The following INSM2 variants were observed in gnomAD, a reference collection of about 807,000 sequenced individuals.
INSM2 encodes insulinoma-associated protein 2.
Under a neutral mutation model 30.5 loss-of-function variants are expected in INSM2, and 12 were observed. The observed-to-expected ratio is 0.39, with a 90% CI of 0.25 to 0.64. The LOEUF (loss-of-function observed/expected upper bound fraction) is 0.64. INSM2 is among the 30% of genes least tolerant of loss of function. The pLI, the probability that INSM2 is intolerant of heterozygous loss-of-function variation, is 0.47. For synonymous variants in INSM2, 418 were observed against 383.7 expected (o/e 1.09, Z -1.05); for missense variants, 773 against 819.2 (o/e 0.94, Z 0.69).
rs1000538412 is a variant in INSM2 at position 35,536,849 on chromosome 14, C to G, written c.*896C>G. On this transcript the variant is annotated 3_prime_UTR_variant, in exon 1 of 1. Coordinates refer to ENST00000307169, the MANE Select transcript of INSM2 (RefSeq NM_032594.4). ...TAAGGAAGATGTTAACACCTGTAAT[C>G]CACTAAGGAACTGAATGGCAATTTG... The G allele has an allele frequency of 6.0e-6, 1 of 167,068 alleles. No individual in the cohort carries two copies. The highest frequency in any genetic ancestry group is 6.5e-5 in the Admixed American group (1 of 15,270). 10.3% of individuals were successfully genotyped at this position (167,068 alleles called of 1,614,324 possible). A position where few individuals can be genotyped will look rare whatever the true frequency, so the allele number is the denominator to read the frequency against.
chr14:35,534,212 C>CA lies in INSM2; in HGVS notation c.-41_-40insA. Reference sequence around the variant, plus strand: ...GCTGGCCGGCTCTCAGTCCCCGTGGCGCCCCCTTTCCTCTTGTCCCAGAGC... The same window carrying CA: ...GCTGGCCGGCTCTCAGTCCCCGTGGCAGCCCCCTTTCCTCTTGTCCCAGAGC... On this transcript the variant is annotated 5_prime_UTR_variant, in exon 1 of 1. Transcript: ENST00000307169. The CA allele has an allele frequency of 6.5e-7, 1 of 1,549,912 alleles. No homozygotes were observed. Among genetic ancestry groups the CA allele is most frequent in the Non-Finnish European group, 8.7e-7 (1 of 1,154,658 alleles).
Position 35,534,478 on chromosome 14 carries a change from C to A in INSM2, c.226C>A (p.Pro76Thr), listed in dbSNP as rs757095420. Reference protein sequence around the residue: ...AEAAREQSGSPCRAAGVSPGT... With the variant: ...AEAAREQSGSTCRAAGVSPGT... ...GGCGGCCCGGGAACAGTCGGGGTCG[C>A]CATGTCGGGCGGCTGGGGTGAGCCC... The change falls in exon 1 of 1, where the codon CCA becomes ACA. Residue 76 changes from proline to threonine, a missense_variant. Pro to Thr is a conservative substitution (Grantham distance 38). Coordinates refer to ENST00000307169, the MANE Select transcript of INSM2 (RefSeq NM_032594.4). 1 of 1,442,378 alleles carries A rather than the reference C, an allele frequency of 6.9e-7. No homozygotes were observed. The highest frequency in any genetic ancestry group is 9.1e-7 in the Non-Finnish European group (1 of 1,103,276). The allele number at this position is 1,442,378 out of a possible 1,614,324, so 89.3% of individuals were successfully genotyped here.
Position 35,535,533 on chromosome 14 carries a change from G to T in INSM2, c.1281G>T (p.Val427=), listed in dbSNP as rs1398860972. The change falls in exon 1 of 1, where the codon GTG becomes GTT. Residue 427 remains valine, a synonymous_variant. Coordinates refer to ENST00000307169, the MANE Select transcript of INSM2 (RefSeq NM_032594.4). ...GTGGCAGGGGATCCGAGATTTTCGTGTGCCCATATTGCCACAAAAAGTTTC... is the reference window on the plus strand; with the variant it reads ...GTGGCAGGGGATCCGAGATTTTCGTTTGCCCATATTGCCACAAAAAGTTTC... The part of the protein sequence containing the change: ...TSGGRGSEIF[V]CPYCHKKFRR... 2.5e-6 allele frequency: 4 copies of T among 1,613,296 alleles called. No individual in the cohort carries two copies. The South Asian group carries it at 3.3e-5, about 13-fold the overall frequency.
At position 35,535,076 on chromosome 14, in the gene INSM2, C is replaced by T. The variant is rs986604744; in HGVS notation, c.824C>T (p.Pro275Leu). The change falls in exon 1 of 1, where the codon CCC becomes CTC. Residue 275 changes from proline (P) to leucine (L), a missense_variant. Coordinates refer to ENST00000307169, the MANE Select transcript of INSM2 (RefSeq NM_032594.4). ...CTGTGCAAGGAGCAGTACGCAGACC[C>T]CTTCGCGCTGGCCCAGCACCGCTGC... ...CQLCKEQYAD[P>L]FALAQHRCSR... 6.2e-7 allele frequency: 1 copy of T among 1,600,396 alleles called. No homozygotes were observed. Among genetic ancestry groups the T allele is most frequent in the Non-Finnish European group, 8.5e-7 (1 of 1,172,654 alleles).
rs1413418825 is a variant in INSM2, at chr14:35,534,558, C to T, written c.306C>T (p.Pro102=). ...GGCGGGCGGGTGGCAGGGAAGGTCC[C>T]GGGCCCAGCCCCAGCCCCAGCCCCA... ...AEWRAGGREG[P]GPSPSPSPSP... Residue 102 remains proline (P), a synonymous_variant, in exon 1 of 1, where the codon CCC becomes CCT. Coordinates refer to ENST00000307169, the MANE Select transcript of INSM2 (RefSeq NM_032594.4). 8 of 1,400,042 alleles carry T rather than the reference C, an allele frequency of 5.7e-6. No individual in the cohort carries two copies. The highest frequency in any genetic ancestry group is 7.4e-6 in the Non-Finnish European group (8 of 1,088,072). The allele number at this position is 1,400,042 out of a possible 1,614,324, so 86.7% of individuals were successfully genotyped here.
Position 35,537,002 on chromosome 14 carries a change from G to C in INSM2, c.*1049G>C, listed in dbSNP as rs909182272. The C allele has an allele frequency of 1.5e-4, 25 of 167,024 alleles. No homozygotes were observed. The highest frequency in any genetic ancestry group is 5.6e-4 in the African/African-American group (23 of 41,440). 10.3% of individuals were successfully genotyped at this position (167,024 alleles called of 1,614,324 possible). On this transcript the variant is annotated 3_prime_UTR_variant, in exon 1 of 1. Coordinates refer to ENST00000307169, the MANE Select transcript of INSM2 (RefSeq NM_032594.4). ...GACATTGGCTGAGCACTGCCTGACA[G>C]AAAGCCCGTATTTGTAAGATGCTTA...
rs780114346 is a variant in INSM2 at position 35,535,486 on chromosome 14, C to T, written c.1234C>T (p.Pro412Ser). The change falls in exon 1 of 1, where the codon CCT becomes TCT. Residue 412 changes from proline (P) to serine (S), a missense_variant. Coordinates refer to ENST00000307169, the MANE Select transcript of INSM2 (RefSeq NM_032594.4). Reference protein sequence around the residue: ...YTEGVLGRRVPVPGSTSGGRG... With the variant: ...YTEGVLGRRVSVPGSTSGGRG... ...GGAGGGGGTGTTGGGGCGCCGGGTA[C>T]CTGTGCCGGGCAGTACCAGTGGTGG... The T allele has an allele frequency of 6.2e-7, 1 of 1,613,256 alleles. No homozygotes were observed. The highest frequency in any genetic ancestry group is 1.1e-5 in the South Asian group (1 of 91,086).
Position 35,535,497 on chromosome 14 carries a change from C to G in INSM2, c.1245C>G (p.Gly415=). The stretch of plus-strand genomic sequence containing the variant: ...TGGGGCGCCGGGTACCTGTGCCGGG[C>G]AGTACCAGTGGTGGCAGGGGATCCG... ...GVLGRRVPVP[G]STSGGRGSEI... The change falls in exon 1 of 1, where the codon GGC becomes GGG. Residue 415 remains glycine (G), a synonymous_variant. Coordinates refer to ENST00000307169, the MANE Select transcript of INSM2 (RefSeq NM_032594.4). 1 of 1,613,288 alleles carries G rather than the reference C, an allele frequency of 6.2e-7. No individual in the cohort carries two copies. The highest frequency in any genetic ancestry group is 8.5e-7 in the Non-Finnish European group (1 of 1,179,962).
chr14:35,534,811 G>T lies in INSM2; in HGVS notation c.559G>T (p.Ala187Ser). 1 of 1,476,166 alleles carries T rather than the reference G, an allele frequency of 6.8e-7. No individual in the cohort carries two copies. Among genetic ancestry groups the T allele is most frequent in the Middle Eastern group, 2.3e-4 (1 of 4,336 alleles). 91.4% of individuals were successfully genotyped at this position (1,476,166 alleles called of 1,614,324 possible). ...LQPDPAPLSA[A>S]LQSLKRAAGG... ...GCCGGACCCTGCGCCCCTCTCGGCC[G>T]CCCTTCAGAGTCTGAAGCGGGCGGC... The change falls in exon 1 of 1, where the codon GCC (alanine) becomes TCC (serine). Residue 187 changes from alanine (A) to serine (S), a missense_variant. Physicochemically the swap from Ala to Ser is moderately conservative, Grantham distance 99. Coordinates refer to ENST00000307169, the MANE Select transcript of INSM2 (RefSeq NM_032594.4).
rs750640091 is a variant in INSM2, at chr14:35,535,874, C to G, written c.1622C>G (p.Thr541Ser). The change falls in exon 1 of 1, where the codon ACC becomes AGC. Residue 541 changes from threonine (T) to serine (S), a missense_variant. Transcript: ENST00000307169. ...PSTFFSSPGL[T>S]RHINKCHPSE... is the part of the protein sequence containing the mutation. ...ACTTTTTTTAGCTCTCCAGGGCTGA[C>G]CCGGCACATCAATAAGTGCCACCCC... 4 of 1,614,004 alleles carry G rather than the reference C, an allele frequency of 2.5e-6. No individual in the cohort carries two copies. In the African/African-American group the frequency reaches 4.0e-5, roughly 16 times the overall value.
At position 35,534,498 on chromosome 14, in the gene INSM2, G is replaced by A. The variant is rs1329413473; in HGVS notation, c.246G>A (p.Val82=). The part of the protein sequence containing the change: ...QSGSPCRAAG[V]SPGTGGREGA... Reference sequence around the variant, plus strand: ...GGTCGCCATGTCGGGCGGCTGGGGTGAGCCCGGGGACGGGCGGGCGGGAAG... The same window carrying A: ...GGTCGCCATGTCGGGCGGCTGGGGTAAGCCCGGGGACGGGCGGGCGGGAAG... Residue 82 remains valine (V), a synonymous_variant, in exon 1 of 1, where the codon GTG becomes GTA. Transcript: ENST00000307169. The A allele has an allele frequency of 8.4e-6, 12 of 1,424,262 alleles. No individual in the cohort carries two copies. The East Asian group carries it at 2.3e-4, about 27-fold the overall frequency. 88.2% of individuals were successfully genotyped at this position (1,424,262 alleles called of 1,614,324 possible). A position where few individuals can be genotyped will look rare whatever the true frequency, so the allele number is the denominator to read the frequency against.
In INSM2 at chr14:35,534,425, A is replaced by G; in HGVS notation, c.173A>G (p.Glu58Gly). 3 of 1,495,260 alleles carry G rather than the reference A, an allele frequency of 2.0e-6. No individual in the cohort carries two copies. The South Asian group carries it at 4.0e-5, about 20-fold the overall frequency. 92.6% of individuals were successfully genotyped at this position (1,495,260 alleles called of 1,614,324 possible). The change falls in exon 1 of 1, where the codon GAG becomes GGG. Residue 58 changes from glutamate to glycine, a missense_variant. Transcript: ENST00000307169. ...GAERATPPTR[E>G]EPGKGLTAEA... ...GAGCGGGCGACACCCCCCACCCGAG[A>G]GGAACCAGGAAAGGGGTTGACGGCG...
chr14:35,535,232 C>T lies in INSM2; in HGVS notation c.980C>T (p.Ser327Phe), dbSNP rs750160401. The T allele has an allele frequency of 6.2e-7, 1 of 1,613,518 alleles. No homozygotes were observed. The highest frequency in any genetic ancestry group is 1.7e-5 in the Admixed American group (1 of 60,038). ...PAAANAATVS[S>F]ADGKPPSSSS... is the part of the protein sequence containing the mutation. Reference sequence around the variant, plus strand: ...GCTGCAAACGCCGCCACAGTCTCCTCCGCCGACGGGAAGCCGCCTTCTTCG... The same window carrying T: ...GCTGCAAACGCCGCCACAGTCTCCTTCGCCGACGGGAAGCCGCCTTCTTCG... Residue 327 changes from serine (S) to phenylalanine (F), a missense_variant, in exon 1 of 1, where the codon TCC becomes TTC. Coordinates refer to ENST00000307169, the MANE Select transcript of INSM2 (RefSeq NM_032594.4).
In INSM2 at chr14:35,535,274, G is replaced by A. The variant is rs1376400488; in HGVS notation, c.1022G>A (p.Arg341Gln). ...KPPSSSSSSSRDSGAIASFLA... is the reference protein window; with the variant it reads ...KPPSSSSSSSQDSGAIASFLA... ...CCTTCTTCGTCGTCTTCGTCCTCCC[G>A]GGACTCCGGGGCCATTGCATCTTTT... The change falls in exon 1 of 1, where the codon CGG becomes CAG. Residue 341 changes from arginine (R) to glutamine (Q), a missense_variant. Physicochemically the swap from Arg to Gln is conservative, Grantham distance 43 (BLOSUM62 1). Transcript: ENST00000307169. The A allele has an allele frequency of 6.2e-7, 1 of 1,613,390 alleles. No homozygotes were observed. Among genetic ancestry groups the A allele is most frequent in the Non-Finnish European group, 8.5e-7 (1 of 1,179,908 alleles).
Position 35,534,412 on chromosome 14 carries a change from C to A in INSM2, c.160C>A (p.Pro54Thr), listed in dbSNP as rs144835486. The change falls in exon 1 of 1, where the codon CCC becomes ACC. Residue 54 changes from proline (P) to threonine (T), a missense_variant. By Grantham distance (38) the Pro-to-Thr change is conservative. Coordinates refer to ENST00000307169, the MANE Select transcript of INSM2 (RefSeq NM_032594.4). ...CTTGCCCGGCGCGGAGCGGGCGACA[C>A]CCCCCACCCGAGAGGAACCAGGAAA... ...ASLPGAERAT[P>T]PTREEPGKGL... The A allele has an allele frequency of 6.6e-7, 1 of 1,507,934 alleles. No homozygotes were observed. The highest frequency in any genetic ancestry group is 2.3e-5 in the Admixed American group (1 of 43,322). The allele number at this position is 1,507,934 out of a possible 1,614,324, so 93.4% of individuals were successfully genotyped here.
chr14:35,536,693 T>C lies in INSM2; in HGVS notation c.*740T>C, dbSNP rs1195704092. On this transcript the variant is annotated 3_prime_UTR_variant, in exon 1 of 1. Transcript: ENST00000307169. ...AGGAAGAGCTACTTCAAACCTTTCT[T>C]TAAATGGCTTTTTGGAAATACAGAA... 4 of 167,106 alleles carry C rather than the reference T, an allele frequency of 2.4e-5. No homozygotes were observed. Among genetic ancestry groups the C allele is most frequent in the Admixed American group, 2.0e-4 (3 of 15,294 alleles). 10.4% of individuals were successfully genotyped at this position (167,106 alleles called of 1,614,324 possible). A position where few individuals can be genotyped will look rare whatever the true frequency, so the allele number is the denominator to read the frequency against.
Position 35,535,607 on chromosome 14 carries a change from C to A in INSM2, c.1355C>A (p.Ser452Ter). 6.2e-7 allele frequency: 1 copy of A among 1,613,162 alleles called. No homozygotes were observed. Among genetic ancestry groups the A allele is most frequent in the Non-Finnish European group, 8.5e-7 (1 of 1,179,986 alleles). ...RKHLSTHEAG[S>*]ARALAPGFGS... ...CACCTGAGCACTCACGAGGCGGGCT[C>A]GGCCCGTGCGCTAGCGCCGGGCTTT... The change falls in exon 1 of 1, where the codon TCG (serine) becomes TAG (stop). Residue 452 changes from serine (S) to a stop codon, truncating the protein, a stop_gained. Transcript: ENST00000307169. LOFTEE classifies it high-confidence loss of function.
In INSM2 at chr14:35,535,126, C is replaced by T. The variant is rs1225976507; in HGVS notation, c.874C>T (p.Arg292Cys). 3 of 1,609,370 alleles carry T rather than the reference C, an allele frequency of 1.9e-6. No homozygotes were observed. Among genetic ancestry groups the T allele is most frequent in the Non-Finnish European group, 2.5e-6 (3 of 1,177,828 alleles). Reference protein sequence around the residue: ...RCSRIVRVEYRCPECDKVFSC... With the variant: ...RCSRIVRVEYCCPECDKVFSC... Reference sequence around the variant, plus strand: ...CTCCCGCATCGTGCGCGTAGAGTACCGCTGCCCTGAGTGCGACAAGGTGTT... The same window carrying T: ...CTCCCGCATCGTGCGCGTAGAGTACTGCTGCCCTGAGTGCGACAAGGTGTT... The change falls in exon 1 of 1, where the codon CGC (arginine) becomes TGC (cysteine). Residue 292 changes from arginine (R) to cysteine (C), a missense_variant. Coordinates refer to ENST00000307169, the MANE Select transcript of INSM2 (RefSeq NM_032594.4).
rs878938193 is a variant in INSM2 at position 35,534,164 on chromosome 14, G to A, written c.-89G>A. The A allele has an allele frequency of 1.3e-6, 2 of 1,486,124 alleles. No homozygotes were observed. Among genetic ancestry groups the A allele is most frequent in the South Asian group, 2.8e-5 (2 of 72,238 alleles). The allele number at this position is 1,486,124 out of a possible 1,614,324, so 92.1% of individuals were successfully genotyped here. A position where few individuals can be genotyped will look rare whatever the true frequency, so the allele number is the denominator to read the frequency against. ...AAGATAGCCCCGGCATGACAGCCGC[G>A]GCGAAGCTCTTCTAGTTCATCTGCT... On this transcript the variant is annotated 5_prime_UTR_variant, in exon 1 of 1. Coordinates refer to ENST00000307169, the MANE Select transcript of INSM2 (RefSeq NM_032594.4).
Sources: allele counts gnomAD v4.1 joint callset, GRCh38; gene constraint gnomAD v4.1.1; transcripts MANE v1.5; gene names NCBI Gene and HGNC (gene_info 2026-07-23, HGNC 2026-07-21).